The following TMEM171 variants were observed in gnomAD, a reference collection of about 807,000 sequenced individuals.
TMEM171 encodes transmembrane protein 171.
Under a neutral mutation model 19.1 loss-of-function variants are expected in TMEM171, and 16 were observed. That is an observed-to-expected ratio of 0.84 (90% confidence interval 0.57 to 1.27). The LOEUF (loss-of-function observed/expected upper bound fraction) is 1.27, where lower values mean the gene tolerates loss of function less well. Among genes scored for constraint, TMEM171 ranks in the 50% most tolerant of loss-of-function variants. The pLI, the probability that TMEM171 is intolerant of heterozygous loss-of-function variation, is 0.00. For synonymous variants in TMEM171, 153 were observed against 163.4 expected (o/e 0.94, Z 0.48); for missense variants, 429 against 412.7 (o/e 1.04, Z -0.34).
intron 2 of TMEM171, 116 bp downstream of exon 2, chr5:73,124,129 C>G (rs1399741609): frequency 2.0e-5 from 18 of 916,536 alleles, no homozygotes; most frequent in Non-Finnish European, 2.9e-5. Context: ...ATCTCTCACA[C>G]ATGTGTGTGC....
rs1561513446 is a variant in TMEM171 at position 73,127,408 on chromosome 5, A to ATATGT, written c.641-982_641-981insTATGT. On this transcript the variant is annotated intron_variant, in intron 2 of 3. Transcript: ENST00000454765. ...AAATATATATATATATATATATATA[A>ATATGT]AGCATAAACAATTTAAACTGCTTTT... is the stretch of plus-strand genomic sequence containing the variant. 4.3e-3 allele frequency among the ~76,000 whole-genome samples: 451 copies of ATATGT among 105,872 alleles called. 5 individuals are homozygous for ATATGT. The highest frequency in any genetic ancestry group is 0.022 in the African/African-American group (431 of 19,416). 69.5% of individuals were successfully genotyped at this position (105,872 alleles called of 152,430 possible).
intron 1 of TMEM171, 72 bp from the exon 2 acceptor site, chr5:73,123,234 G>GGTCGCCGT: frequency 7.4e-7 from 1 of 1,360,160 alleles, no homozygotes; most frequent in South Asian, 1.5e-5. Flanking sequence ...TTTCAGAAAT[G>GGTCGCCGT]ATCAGCAAAA....
At position 73,123,858 on chromosome 5, in the gene TMEM171, C is replaced by G; in HGVS notation, c.485C>G (p.Ser162Cys). The stretch of plus-strand genomic sequence containing the variant: ...GAGCCCCGGATGTGTGGGTTCCTTT[C>G]TCTGCAGATCATGGGGCCCTTGATT... ...DSEPRMCGFL[S>C]LQIMGPLIVL... The change falls in exon 2 of 4, where the codon TCT (serine) becomes TGT (cysteine). Residue 162 changes from serine (S) to cysteine (C), a missense_variant. Transcript: ENST00000454765. The G allele has an allele frequency of 6.2e-7, 1 of 1,613,936 alleles. No individual in the cohort carries two copies. Among genetic ancestry groups the G allele is most frequent in the Non-Finnish European group, 8.5e-7 (1 of 1,179,930 alleles).
chr5:73,130,659 G>GTT (rs1215288915), intron 3 of TMEM171, among the ~76,000 whole-genome samples: 1 of 152,110 alleles, frequency 6.6e-6, no homozygotes, highest in Admixed American at 6.5e-5. Flanking sequence ...TATCTGATGG[G>GTT]AGAGGGAAAG....
At chr5:73,126,496 T>C (rs758413434) in intron 2 of TMEM171, among the ~76,000 whole-genome samples, 2 of 152,220 alleles carry the variant, frequency 1.3e-5, no homozygotes, top group African/African-American at 4.8e-5. Context: ...GCCAATTGCC[T>C]CTGTGGTGTT....
rs1451649603 is a variant in TMEM171, at chr5:73,128,537, A to C, written c.782+6A>C. The C allele has an allele frequency of 6.2e-7, 1 of 1,613,674 alleles. No individual in the cohort carries two copies. Among genetic ancestry groups the C allele is most frequent in the Non-Finnish European group, 8.5e-7 (1 of 1,179,712 alleles). ...TACAGTATTTTCAACTATGGGTAAG[A>C]ATTTCAATTTGAACTTCAAGAGAGG... On this transcript the variant is annotated splice_donor_region_variant and intron_variant, in intron 3 of 3. Coordinates refer to ENST00000454765, the MANE Select transcript of TMEM171 (RefSeq NM_173490.8).
At chr5:73,121,672 T>C (rs1744010730) in intron 1 of TMEM171, among the ~76,000 whole-genome samples, 1 of 152,210 alleles carries the variant, frequency 6.6e-6, no homozygotes, top group Admixed American at 6.5e-5. Context: ...TTCCTTTTTT[T>C]CTCCAACTTC....
intron 3 of TMEM171, among the ~76,000 whole-genome samples, chr5:73,130,127 G>A (rs558678719): frequency 1.2e-4 from 19 of 152,232 alleles, no homozygotes; most frequent in African/African-American, 4.1e-4. Context: ...TGATGGTGGC[G>A]GTACAGTGAG....
At position 73,123,786 on chromosome 5, in the gene TMEM171, C is replaced by T; in HGVS notation, c.413C>T (p.Ser138Phe). The T allele has an allele frequency of 6.2e-7, 1 of 1,613,028 alleles. No homozygotes were observed. Among genetic ancestry groups the T allele is most frequent in the South Asian group, 1.1e-5 (1 of 90,972 alleles). Residue 138 changes from serine (S) to phenylalanine (F), a missense_variant, in exon 2 of 4, where the codon TCC (serine) becomes TTC (phenylalanine). Transcript: ENST00000454765. ...GGCATTTGGGTCCCTGGATGTGGCT[C>T]CAACTGGGCGCAGGAACCGCTAAAC... is the stretch of plus-strand genomic sequence containing the variant. ...VLGIWVPGCG[S>F]NWAQEPLNET... is the part of the protein sequence containing the mutation.
rs1387160652 is a variant in TMEM171, at chr5:73,131,772, TTTTA to T, written c.*47_*50del. On this transcript the variant is annotated 3_prime_UTR_variant, in exon 4 of 4. Transcript: ENST00000454765. The stretch of plus-strand genomic sequence containing the variant: ...CAGTTTTATATGCAATGGATCACTA[TTTTA>T]TTTAATTTTTTTTAAATAAAAAATA... 4.1e-6 allele frequency: 6 copies of T among 1,456,302 alleles called. No individual in the cohort carries two copies. The highest frequency in any genetic ancestry group is 5.5e-6 in the Non-Finnish European group (6 of 1,093,498). The allele number at this position is 1,456,302 out of a possible 1,614,324, so 90.2% of individuals were successfully genotyped here.
chr5:73,129,567 C>T (rs1270484935), intron 3 of TMEM171, among the ~76,000 whole-genome samples: 3 of 152,174 alleles, frequency 2.0e-5, no homozygotes, highest in Non-Finnish European at 4.4e-5. Flanking sequence ...ACACCCTATT[C>T]TTCTGCTCCA....
chr5:73,123,551 A>C lies in TMEM171; in HGVS notation c.178A>C (p.Lys60Gln), dbSNP rs1429249496. 1 of 1,614,080 alleles carries C rather than the reference A, an allele frequency of 6.2e-7. No individual in the cohort carries two copies. The highest frequency in any genetic ancestry group is 2.2e-5 in the East Asian group (1 of 44,896). Residue 60 changes from lysine to glutamine, a missense_variant, in exon 2 of 4, where the codon AAG (lysine) becomes CAG (glutamine). Transcript: ENST00000454765. Reference protein sequence around the residue: ...KPLPDCPMVLKVAGPACAVVG... With the variant: ...KPLPDCPMVLQVAGPACAVVG... ...CCTCCCAGACTGCCCCATGGTGCTC[A>C]AGGTGGCGGGGCCTGCATGTGCCGT...
intron 3 of TMEM171, among the ~76,000 whole-genome samples, chr5:73,128,826 C>T (rs546734039): frequency 2.0e-5 from 3 of 152,196 alleles, no homozygotes; most frequent in African/African-American, 4.8e-5. Flanking sequence ...GGTGCTGTGG[C>T]TCACACCTGT....
At position 73,127,384 on chromosome 5, in the gene TMEM171, A is replaced by ATATATATATATAT. The variant is rs1554078607; in HGVS notation, c.641-1006_641-1005insTATATATATATAT. ...AAATTTGTGGTAAAAAAAAAAAAAAAATATATATATATATATATATATAAA... is the reference window on the plus strand; with the variant it reads ...AAATTTGTGGTAAAAAAAAAAAAAAATATATATATATATATATATATATATATATATATATAAA... On this transcript the variant is annotated intron_variant, in intron 2 of 3. Coordinates refer to ENST00000454765, the MANE Select transcript of TMEM171 (RefSeq NM_173490.8). 1.8e-4 allele frequency among the ~76,000 whole-genome samples: 15 copies of ATATATATATATAT among 81,690 alleles called. 1 individual carries two copies. The highest frequency in any genetic ancestry group is 9.2e-4 in the African/African-American group (14 of 15,192). 53.6% of individuals were successfully genotyped at this position (81,690 alleles called of 152,430 possible). A position where few individuals can be genotyped will look rare whatever the true frequency, so the allele number is the denominator to read the frequency against.
At chr5:73,129,885 G>A (rs560471623) in intron 3 of TMEM171, among the ~76,000 whole-genome samples, 6 of 152,332 alleles carry the variant, frequency 3.9e-5, no homozygotes, top group South Asian at 2.1e-4. Flanking sequence ...TCCCTGGGCC[G>A]CAGAGAATAT....
intron 1 of TMEM171, 150 bp downstream of exon 1, chr5:73,120,846 C>G: frequency 4.0e-6 from 3 of 744,762 alleles, no homozygotes; most frequent in Non-Finnish European, 3.3e-6. Flanking sequence ...CCGGCTGTTG[C>G]TTGCGCTCGG....
rs770422799 is a variant in TMEM171 at position 73,123,945 on chromosome 5, C to T, written c.572C>T (p.Ala191Val). The T allele has an allele frequency of 2.5e-6, 4 of 1,611,166 alleles. No homozygotes were observed. In the Admixed American group the frequency reaches 6.7e-5, roughly 27 times the overall value. The change falls in exon 2 of 4, where the codon GCT becomes GTT. Residue 191 changes from alanine (A) to valine (V), a missense_variant. Physicochemically the swap from Ala to Val is moderately conservative, Grantham distance 64 (BLOSUM62 0). Coordinates refer to ENST00000454765, the MANE Select transcript of TMEM171 (RefSeq NM_173490.8). ...GTTAAGAAGAGAAACACGCTGAATG[C>T]TGGCCAGGATGCCTCTGAGAGAGAA... ...AHVKKRNTLN[A>V]GQDASEREEG...
intron 2 of TMEM171, among the ~76,000 whole-genome samples, chr5:73,127,378 A>ATATATATATATATAT (rs1216141842): frequency 1.6e-4 from 10 of 63,224 alleles, no homozygotes; most frequent in African/African-American, 8.3e-4. Flanking sequence ...GTAAAAAAAA[A>ATATATATATATATAT]AAAAAAATAT....
rs373790466 is a variant in TMEM171, at chr5:73,123,908, G to A, written c.535G>A (p.Val179Met). ...LIVLVGLCFF[V>M]VAHVKKRNTL... is the part of the protein sequence containing the mutation. ...TGTGCTTGTGGGATTGTGTTTCTTC[G>A]TGGTTGCCCATGTTAAGAAGAGAAA... The change falls in exon 2 of 4, where the codon GTG (valine) becomes ATG (methionine). Residue 179 changes from valine to methionine, a missense_variant. Transcript: ENST00000454765. The A allele has an allele frequency of 5.0e-6, 8 of 1,614,034 alleles. No individual in the cohort carries two copies. In the East Asian group the frequency reaches 6.7e-5, roughly 13 times the overall value.
Sources: gnomAD v4.1 joint callset for allele counts (sites outside exome capture counted in the v4.1 genomes callset) on GRCh38, gnomAD v4.1.1 for gene constraint, MANE v1.5 for transcripts, NCBI Gene and HGNC (gene_info 2026-07-23, HGNC 2026-07-21) for gene names.